Variants in KIAA2012 observed in about 807,000 individuals in gnomAD.
KIAA2012 encodes the protein KIAA2012, also known as uncharacterized protein KIAA2012.
Under a neutral mutation model 150.6 loss-of-function variants are expected in KIAA2012, and 125 were observed. The ratio of observed to expected loss-of-function variants is 0.83; its 90% CI spans 0.72 to 0.96. The LOEUF is 0.96. KIAA2012 is among the 40% of genes least tolerant of loss of function. KIAA2012 has a pLI of 0.00. For missense variants in KIAA2012, 1,219 were observed against 1,354.9 expected, an observed-to-expected ratio of 0.90 and a Z score of 1.57; for synonymous variants, 462 against 504.7, an observed-to-expected ratio of 0.92 and a Z score of 1.13.
chr2:202,150,456 TG>T (rs1691401525), intron 13 of KIAA2012, among the ~76,000 whole-genome samples: 1 of 133,252 alleles, frequency 7.5e-6, no homozygotes, highest in African/African-American at 2.5e-5. Context: ...TTGTTTTTTG[TG>T]TTTTTTTTTG....
chr2:202,202,230 CAGT>C (rs893512047), intron 22 of KIAA2012, among the ~76,000 whole-genome samples, 196 bp from the exon 23 acceptor site: 2 of 151,966 alleles, frequency 1.3e-5, no homozygotes, highest in African/African-American at 4.8e-5. Context: ...TTTACTTTTC[CAGT>C]AGGAGGCTCA....
At chr2:202,176,822 A>G (rs777097293) in intron 15 of KIAA2012, among the ~76,000 whole-genome samples, 1 of 152,220 alleles carries the variant, frequency 6.6e-6, no homozygotes, top group Non-Finnish European at 1.5e-5. Context: ...CAGACCAGCA[A>G]AAGTTTAAAA....
intron 12 of KIAA2012, among the ~76,000 whole-genome samples, chr2:202,129,609 T>A (rs879529873): frequency 2.0e-5 from 3 of 152,266 alleles, no homozygotes; most frequent in Non-Finnish European, 4.4e-5. Context: ...GAAAGGATTG[T>A]GTAGATGGTA....
intron 11 of KIAA2012, chr2:202,115,433 TC>T (rs1332529183): frequency 1.3e-5 from 2 of 152,058 alleles, no homozygotes; most frequent in African/African-American, 2.4e-5. Flanking sequence ...TGCTCAAGTT[TC>T]CCCCAAATAT....
chr2:202,145,539 T>A (rs1691275905), intron 13 of KIAA2012, among the ~76,000 whole-genome samples: 1 of 152,232 alleles, frequency 6.6e-6, no homozygotes, highest in Non-Finnish European at 1.5e-5. Flanking sequence ...TAGTGACACA[T>A]AATATCTGCG....
At chr2:202,157,483 G>A (rs1293515204) in intron 14 of KIAA2012, among the ~76,000 whole-genome samples, 1 of 152,170 alleles carries the variant, frequency 6.6e-6, no homozygotes, top group East Asian at 1.9e-4. Context: ...TGATAAGAAA[G>A]GTCAAGGCAG....
At chr2:202,185,985 C>T (rs1574312828) in intron 16 of KIAA2012, among the ~76,000 whole-genome samples, 1 of 152,136 alleles carries the variant, frequency 6.6e-6, no homozygotes, top group Non-Finnish European at 1.5e-5. Flanking sequence ...AAAGAGAATA[C>T]TCATTTAGCT....
At chr2:202,083,627 T>C (rs1201466391) in intron 2 of KIAA2012, among the ~76,000 whole-genome samples, 1 of 152,214 alleles carries the variant, frequency 6.6e-6, no homozygotes, top group East Asian at 1.9e-4. Flanking sequence ...GCAGACATTA[T>C]TGGGTTTTTC....
intron 10 of KIAA2012, 111 bp downstream of exon 10, chr2:202,109,900 G>T (rs1690302212): frequency 2.1e-6 from 2 of 950,368 alleles, no homozygotes; most frequent in Non-Finnish European, 3.0e-6. Context: ...CCATTGAAAA[G>T]GGGTAATTGA....
intron 22 of KIAA2012, chr2:202,201,768 G>A: frequency 7.6e-7 from 1 of 1,321,028 alleles, no homozygotes; most frequent in Non-Finnish European, 1.1e-6. Flanking sequence ...TGAGTAGGCA[G>A]TCGGAGCATC....
At chr2:202,201,581 G>A in intron 22 of KIAA2012, 7 of 1,609,846 alleles carry the variant, frequency 4.3e-6, no homozygotes, top group Non-Finnish European at 6.0e-6. Flanking sequence ...CCAGCACTGT[G>A]GAGCCAGGTG....
chr2:202,180,269 CAA>C (rs569117421), intron 15 of KIAA2012, among the ~76,000 whole-genome samples: 36 of 49,300 alleles, frequency 7.3e-4, no homozygotes, highest in Non-Finnish European at 8.4e-4. Flanking sequence ...GAAACTCCTC[CAA>C]AAAAAAAAAA....
chr2:202,108,068 A>G (rs371439134), intron 9 of KIAA2012, among the ~76,000 whole-genome samples: 2 of 152,160 alleles, frequency 1.3e-5, no homozygotes, highest in South Asian at 4.1e-4. Context: ...GTCTTCACAT[A>G]GAGGTCCCTG....
At chr2:202,172,571 G>A (rs1691917298) in intron 15 of KIAA2012, among the ~76,000 whole-genome samples, 1 of 152,212 alleles carries the variant, frequency 6.6e-6, no homozygotes, top group Non-Finnish European at 1.5e-5. Flanking sequence ...TCTGCCCAGT[G>A]TTAGTGGTTA....
intron 2 of KIAA2012, among the ~76,000 whole-genome samples, chr2:202,089,426 TG>T (rs895815959): frequency 2.0e-5 from 3 of 152,236 alleles, no homozygotes; most frequent in Non-Finnish European, 2.9e-5. Context: ...TGCTAACTCC[TG>T]ATCTGGTCCT....
intron 11 of KIAA2012, chr2:202,114,360 C>T (rs1690460392): frequency 6.0e-6 from 1 of 167,110 alleles, no homozygotes; most frequent in African/African-American, 2.4e-5. Context: ...TATTTGATTC[C>T]AAATTCAGCA....
At chr2:202,198,238 G>A (rs12995639) in intron 22 of KIAA2012, among the ~76,000 whole-genome samples, 55,704 of 148,846 alleles carry the variant, frequency 0.37, 11,808 homozygotes, top group Non-Finnish European at 0.48. Context: ...TAATTGGCTA[G>A]CCAGGGCAAG....
At chr2:202,149,194 G>A (rs929992277) in intron 13 of KIAA2012, among the ~76,000 whole-genome samples, 1 of 152,108 alleles carries the variant, frequency 6.6e-6, no homozygotes, top group Non-Finnish European at 1.5e-5. Context: ...GTGCCCCTGG[G>A]ACTCAGAGCC....
rs186316120 is a variant in KIAA2012, at chr2:202,086,154, C to T, written c.370-4616C>T. On this transcript the variant is annotated intron_variant, in intron 2 of 23. Coordinates refer to ENST00000498697, the MANE Select transcript of KIAA2012 (RefSeq NM_001277372.4). ...CTGCACTCCAGCCTGGGTGAAAGAC[C>T]GAAACTCTGTCTCAAAAAAAAAAAA... is the stretch of plus-strand genomic sequence containing the variant. Among the ~76,000 whole-genome samples the T allele has an allele frequency of 2.9e-3, 292 of 100,450 alleles. 1 individual carries two copies. Among genetic ancestry groups the T allele is most frequent in the African/African-American group, 0.011 (266 of 24,262 alleles). 65.9% of individuals were successfully genotyped at this position (100,450 alleles called of 152,430 possible). A position where few individuals can be genotyped will look rare whatever the true frequency, so the allele number is the denominator to read the frequency against.
Sources: gnomAD v4.1 joint callset for allele counts (sites outside exome capture counted in the v4.1 genomes callset) on GRCh38, gnomAD v4.1.1 for gene constraint, MANE v1.5 for transcripts, NCBI Gene and HGNC (gene_info 2026-07-23, HGNC 2026-07-21) for gene names.